Variants in UBE3D observed in about 807,000 individuals in gnomAD.
The protein encoded by UBE3D is E3 ubiquitin-protein ligase E3D.
A neutral mutation model predicts 49.6 loss-of-function variants in UBE3D; 48 were observed. The observed-to-expected ratio is 0.97, with a 90% confidence interval of 0.77 to 1.23. UBE3D has a LOEUF of 1.23. Among genes scored for constraint, UBE3D ranks in the 50% most tolerant of loss-of-function variants. The pLI is 0.00. For missense variants in UBE3D, 452 were observed against 468.4 expected, an observed-to-expected ratio of 0.96 and a Z score of 0.32; for synonymous variants, 189 against 174.2, an observed-to-expected ratio of 1.08 and a Z score of -0.67.
chr6:82,988,211 C>A (rs7756069), intron 8 of UBE3D, among the ~76,000 whole-genome samples: 3 of 151,892 alleles, frequency 2.0e-5, no homozygotes, highest in African/African-American at 7.3e-5. Context: ...TAAAAGAGAA[C>A]GAACTTAGAG....
At chr6:82,946,786 G>A (rs1775435669) in intron 9 of UBE3D, among the ~76,000 whole-genome samples, 1 of 151,934 alleles carries the variant, frequency 6.6e-6, no homozygotes, top group Non-Finnish European at 1.5e-5. Flanking sequence ...AAAGTGTAGA[G>A]TTTTTATTAG....
At chr6:83,002,670 G>A (rs985301448) in intron 8 of UBE3D, among the ~76,000 whole-genome samples, 4 of 152,236 alleles carry the variant, frequency 2.6e-5, no homozygotes, top group African/African-American at 9.6e-5. Context: ...GGGCGACAGA[G>A]TGAGACTCCG....
At chr6:83,049,879 G>C in intron 3 of UBE3D, 1 of 458,688 alleles carries the variant, frequency 2.2e-6, no homozygotes. Flanking sequence ...AGGACTATTT[G>C]GCTGTTTCTG....
chr6:83,054,213 G>A lies in UBE3D; in HGVS notation c.300C>T (p.Ser100=), dbSNP rs753107391. 3 of 1,613,826 alleles carry A rather than the reference G, an allele frequency of 1.9e-6. No individual in the cohort carries two copies. The highest frequency in any genetic ancestry group is 2.5e-6 in the Non-Finnish European group (3 of 1,179,932). ...GTKLISMFNQ[S]SQTQECCTFY... ...ACGTGCAACATTCTTGGGTTTGCGA[G>A]CTTTGATTAAACATTGAAATCAGTT... Residue 100 remains serine, a synonymous_variant, in exon 3 of 10, where the codon AGC becomes AGT. Transcript: ENST00000369747.
chr6:82,893,664 A>C (rs538995827), intron 9 of UBE3D, among the ~76,000 whole-genome samples: 4 of 152,366 alleles, frequency 2.6e-5, no homozygotes, highest in African/African-American at 9.6e-5. Context: ...TTCAGGGGTG[A>C]CAATAAATTG....
intron 9 of UBE3D, among the ~76,000 whole-genome samples, chr6:82,939,590 C>T (rs911710070): frequency 2.0e-5 from 3 of 152,210 alleles, no homozygotes; most frequent in Non-Finnish European, 2.9e-5. Flanking sequence ...CAATTGCCTA[C>T]AGTATTCAGT....
intron 8 of UBE3D, among the ~76,000 whole-genome samples, chr6:83,000,362 T>G (rs1330400990): frequency 1.3e-5 from 2 of 152,226 alleles, no homozygotes; most frequent in African/African-American, 4.8e-5. Context: ...TCTTCCAATA[T>G]TATCTATCCC....
At chr6:82,887,395 T>TTTTGTTTTG (rs1562053882), downstream of UBE3D, among the ~76,000 whole-genome samples, 3 of 70,450 alleles carry the variant, frequency 4.3e-5, no homozygotes, top group East Asian at 3.3e-4. Flanking sequence ...AACAGTTTTT[T>TTTTGTTTTG]TTTTTTTTTT....
chr6:83,012,413 T>C (rs1287972650), intron 8 of UBE3D, among the ~76,000 whole-genome samples: 1 of 152,222 alleles, frequency 6.6e-6, no homozygotes, highest in African/African-American at 2.4e-5. Flanking sequence ...GCAGTGGCTA[T>C]AGCCAGGTCA....
the UBE3D span, among the ~76,000 whole-genome samples, chr6:82,885,810 A>G: frequency 6.6e-6 from 1 of 152,260 alleles, no homozygotes; most frequent in African/African-American, 2.4e-5. Context: ...TCCAATCTCA[A>G]TTCCTCCAAT....
chr6:82,967,563 TATA>T (rs1377056597), intron 8 of UBE3D, among the ~76,000 whole-genome samples: 1 of 152,216 alleles, frequency 6.6e-6, no homozygotes, highest in Non-Finnish European at 1.5e-5. Context: ...AGTAGAATCA[TATA>T]ATATGTAGTC....
rs186823988 is a variant in UBE3D at position 83,052,051 on chromosome 6, T to A, written c.365+2097A>T. Among the ~76,000 whole-genome samples, 61 of 152,346 alleles carry A rather than the reference T, an allele frequency of 4.0e-4. 1 individual carries two copies. In the East Asian group the frequency reaches 9.3e-3, roughly 23 times the overall value. On this transcript the variant is annotated intron_variant, in intron 3 of 9. Transcript: ENST00000369747. Reference sequence around the variant, plus strand: ...ATGATGATGATAAGAACAGTAATTATAGCAGTAGCTAATACATACTGAATG... The same window carrying A: ...ATGATGATGATAAGAACAGTAATTAAAGCAGTAGCTAATACATACTGAATG...
At chr6:82,969,743 T>C (rs1777213511) in intron 8 of UBE3D, among the ~76,000 whole-genome samples, 1 of 152,130 alleles carries the variant, frequency 6.6e-6, no homozygotes, top group East Asian at 1.9e-4. Flanking sequence ...CATAAAAGTG[T>C]CAATGGTCCC....
At chr6:83,061,918 T>C (rs184881248) in intron 1 of UBE3D, among the ~76,000 whole-genome samples, 17 of 152,248 alleles carry the variant, frequency 1.1e-4, no homozygotes, top group African/African-American at 4.1e-4. Context: ...TCACTTTCTC[T>C]CAAAGGGAAA....
chr6:83,054,187 A>T lies in UBE3D; in HGVS notation c.326T>A (p.Phe109Tyr). Residue 109 changes from phenylalanine (F) to tyrosine (Y), a missense_variant, in exon 3 of 10, where the codon TTT becomes TAT. Transcript: ENST00000369747. ...GACTTCACCGCAGGATTGGCAATAA[A>T]ACGTGCAACATTCTTGGGTTTGCGA... The part of the protein sequence containing the change: ...QSSQTQECCT[F>Y]YCQSCGEVII... The T allele has an allele frequency of 6.2e-7, 1 of 1,614,096 alleles. No individual in the cohort carries two copies. Among genetic ancestry groups the T allele is most frequent in the East Asian group, 2.2e-5 (1 of 44,858 alleles).
At chr6:83,053,368 A>G (rs954563220) in intron 3 of UBE3D, among the ~76,000 whole-genome samples, 8 of 152,234 alleles carry the variant, frequency 5.3e-5, no homozygotes, top group Non-Finnish European at 1.2e-4. Context: ...ATGGCTCAGG[A>G]AACCCATCTA....
chr6:82,956,029 G>C (rs2127772363), intron 9 of UBE3D, among the ~76,000 whole-genome samples: 1 of 152,330 alleles, frequency 6.6e-6, no homozygotes, highest in East Asian at 1.9e-4. Context: ...GACAATCCAT[G>C]TAACAGATTT....
Position 82,900,250 on chromosome 6 carries a change from A to T in UBE3D, c.1150-7208T>A, listed in dbSNP as rs553489881. On this transcript the variant is annotated intron_variant, in intron 9 of 9. Transcript: ENST00000369747. Reference sequence around the variant, plus strand: ...AAATAAAGTGCTTTTCTATAGTATCAATTGAAATATTTTCAATTGTTTAAG... The same window carrying T: ...AAATAAAGTGCTTTTCTATAGTATCTATTGAAATATTTTCAATTGTTTAAG... Among the ~76,000 whole-genome samples the T allele has an allele frequency of 3.3e-5, 5 of 152,338 alleles. No homozygotes were observed. The South Asian group carries it at 1.0e-3, about 32-fold the overall frequency.
At chr6:82,960,034 C>G (rs1776440606) in intron 8 of UBE3D, among the ~76,000 whole-genome samples, 1 of 152,178 alleles carries the variant, frequency 6.6e-6, no homozygotes. Context: ...CAATTTCATT[C>G]AGTGTCTCTT....
Sources: gnomAD v4.1 joint callset for allele counts (sites outside exome capture counted in the v4.1 genomes callset) on GRCh38, gnomAD v4.1.1 for gene constraint, MANE v1.5 for transcripts, NCBI Gene and HGNC (gene_info 2026-07-23, HGNC 2026-07-21) for gene names.